The following OPLAH variants were observed in gnomAD, a reference collection of about 807,000 sequenced individuals.
The protein encoded by OPLAH is 5-oxoprolinase.
Under a neutral mutation model 122.8 loss-of-function variants are expected in OPLAH, and 103 were observed. The ratio of observed to expected loss-of-function variants is 0.84; its 90% CI spans 0.71 to 0.99. The LOEUF (loss-of-function observed/expected upper bound fraction) is 0.99, where lower values mean the gene tolerates loss of function less well. Among genes scored for constraint, OPLAH ranks in the 50% least tolerant of loss-of-function variants. The pLI is 0.00. For missense variants in OPLAH, 1,902 were observed against 1,836.5 expected (o/e 1.04, Z -0.65); for synonymous variants, 875 against 796.0 (o/e 1.10, Z -1.67).
Position 144,059,628 on chromosome 8 carries a change from T to C in OPLAH, c.334A>G (p.Thr112Ala), listed in dbSNP as rs1480905479. 4.3e-6 allele frequency: 7 copies of C among 1,611,578 alleles called. No homozygotes were observed. The Admixed American group carries it at 5.0e-5, about 12-fold the overall frequency. Residue 112 changes from threonine (T) to alanine (A), a missense_variant, in exon 3 of 27, where the codon ACC (threonine) becomes GCC (alanine). Thr to Ala is a moderately conservative substitution (Grantham distance 58). Transcript: ENST00000618853. ...TCAAAGAGGTCCCCACGGGCTTGGG[T>C]GCCAATGTGCAGCAGGTCTCGGAAG... ...RGFRDLLHIG[T>A]QARGDLFDLA...
At chr8:144,061,709 A>T (rs955958209), upstream of OPLAH, among the ~76,000 whole-genome samples, 1 of 152,190 alleles carries the variant, frequency 6.6e-6, no homozygotes, top group Non-Finnish European at 1.5e-5. Context: ...CGTTTAGCAT[A>T]TCATCAGAAA....
upstream of OPLAH, among the ~76,000 whole-genome samples, chr8:144,063,177 G>A (rs1399387688): frequency 7.2e-5 from 11 of 151,942 alleles, no homozygotes; most frequent in African/African-American, 9.7e-5. The surrounding 1 kb of genome is among the most constrained non-coding windows in gnomAD (Gnocchi z 4.2). Context: ...GGCCAGACAC[G>A]TCCCAAAACC....
In OPLAH at chr8:144,054,654, CT is replaced by C; in HGVS notation, c.2592del (p.Gly865AlafsTer33). 6.2e-7 allele frequency: 1 copy of C among 1,612,424 alleles called. No homozygotes were observed. The highest frequency in any genetic ancestry group is 8.5e-7 in the Non-Finnish European group (1 of 1,179,690). Reference sequence around the variant, plus strand: ...ATGGTGGAGTGGGGGGGCATGGAGCCTGGTGTGATGCCCCCGATGTCTGCGT... The same window carrying C: ...ATGGTGGAGTGGGGGGGCATGGAGCCGGTGTGATGCCCCCGATGTCTGCGT... Reference protein sequence around the residue: ...GHHADIGGITPGSMPPHSTML... With the variant: ...GHHADIGGITXGSMPPHSTML... On this transcript the variant is annotated frameshift_variant, in exon 19 of 27. Coordinates refer to ENST00000618853, the MANE Select transcript of OPLAH (RefSeq NM_017570.5). LOFTEE classifies it high-confidence loss of function.
rs1835409083 is a variant in OPLAH at position 144,052,545 on chromosome 8, C to G, written c.3207G>C (p.Pro1069=). ...VVIPRGSILD[P]SPEAAVVGGN... ...CGCCCACCACCGCCGCCTCGGGCGACGGGTCCAGGATGGAGCCTCGGGGAA... is the reference window on the plus strand; with the variant it reads ...CGCCCACCACCGCCGCCTCGGGCGAGGGGTCCAGGATGGAGCCTCGGGGAA... The change falls in exon 23 of 27, where the codon CCG becomes CCC. Residue 1069 remains proline (P), a synonymous_variant. Coordinates refer to ENST00000618853, the MANE Select transcript of OPLAH (RefSeq NM_017570.5). The G allele has an allele frequency of 8.1e-6, 13 of 1,595,460 alleles. No homozygotes were observed. The highest frequency in any genetic ancestry group is 1.1e-5 in the Non-Finnish European group (13 of 1,177,008).
intron 26 of OPLAH, 38 bp downstream of exon 26, chr8:144,051,691 G>A (rs371226070): frequency 2.0e-5 from 29 of 1,478,610 alleles, no homozygotes; most frequent in Admixed American, 3.7e-5. Flanking sequence ...CGGGAGGGGA[G>A]GGGAGGGGAG....
At chr8:144,060,261 G>A (rs1293774641) in intron 1 of OPLAH, among the ~76,000 whole-genome samples, 176 bp from the exon 2 acceptor site, 1 of 152,252 alleles carries the variant, frequency 6.6e-6, no homozygotes, top group African/African-American at 2.4e-5. Flanking sequence ...CTGGCCGGCG[G>A]TCAGCGGCCT....
Position 144,057,669 on chromosome 8 carries a change from G to A in OPLAH, c.1201C>T (p.Leu401=), listed in dbSNP as rs1212536343. Residue 401 remains leucine, a synonymous_variant, in exon 10 of 27, where the codon CTG becomes TTG. Coordinates refer to ENST00000618853, the MANE Select transcript of OPLAH (RefSeq NM_017570.5). ...VTDANLVLGR[L]LPASFPCIFG... is the part of the protein sequence containing the mutation. The stretch of plus-strand genomic sequence containing the variant: ...ATGCAGGGGAAGGAGGCAGGCAGCA[G>A]GCGACCCAGGACCAGATTAGCATCC... 1 of 1,607,844 alleles carries A rather than the reference G, an allele frequency of 6.2e-7. No homozygotes were observed. The highest frequency in any genetic ancestry group is 1.3e-5 in the African/African-American group (1 of 74,830).
At position 144,058,127 on chromosome 8, in the gene OPLAH, C is replaced by G; in HGVS notation, c.971G>C (p.Arg324Pro). The change falls in exon 8 of 27, where the codon CGC becomes CCC. Residue 324 changes from arginine (R) to proline (P), a missense_variant. Physicochemically the swap from Arg to Pro is moderately radical, Grantham distance 103. This residue lies in a region of OPLAH where 1,726 missense variants were observed against 1,642.1 expected (regional missense o/e 1.05). Transcript: ENST00000618853. ...DMGGTSTDVS[R>P]YAGEFEHVFE... The stretch of plus-strand genomic sequence containing the variant: ...GACGTGCTCGAATTCCCCAGCATAG[C>G]GGCTCACATCCGTGGACGTGCCTGG... 3 of 1,612,444 alleles carry G rather than the reference C, an allele frequency of 1.9e-6. No individual in the cohort carries two copies. Among genetic ancestry groups the G allele is most frequent in the South Asian group, 1.1e-5 (1 of 91,084 alleles).
At chr8:144,054,385 C>T (rs1460234855) in intron 19 of OPLAH, among the ~76,000 whole-genome samples, 176 bp downstream of exon 19, 1 of 152,190 alleles carries the variant, frequency 6.6e-6, no homozygotes, top group African/African-American at 2.4e-5. Flanking sequence ...CTGAATTCAT[C>T]TCAGCTCCCG....
rs11985564 is a variant in OPLAH at position 144,059,828 on chromosome 8, G to C, written c.171+34C>G. ...TGGTCAGTGTGGGGCTTCTGGCCGT[G>C]GGGTCCCTGTCCACCCGCTCCGCCC... On this transcript the variant is annotated intron_variant, in intron 2 of 26. Transcript: ENST00000618853. The C allele has an allele frequency of 3.0e-4, 476 of 1,611,194 alleles. 1 individual carries two copies. In the African/African-American group the frequency reaches 5.6e-3, roughly 19 times the overall value.
Position 144,057,149 on chromosome 8 carries a change from G to A in OPLAH, c.1536-31C>T, listed in dbSNP as rs782643427. The A allele has an allele frequency of 3.1e-6, 5 of 1,594,674 alleles. No homozygotes were observed. The African/African-American group carries it at 4.0e-5, about 13-fold the overall frequency. ...GGGATGGGCAGCATGGCAATGGGAGGTCACCTCCCAAGCCCGGCGCAGATC... is the reference window on the plus strand; with the variant it reads ...GGGATGGGCAGCATGGCAATGGGAGATCACCTCCCAAGCCCGGCGCAGATC... On this transcript the variant is annotated intron_variant, in intron 11 of 26. Coordinates refer to ENST00000618853, the MANE Select transcript of OPLAH (RefSeq NM_017570.5).
At position 144,058,590 on chromosome 8, in the gene OPLAH, G is replaced by C; in HGVS notation, c.689C>G (p.Pro230Arg). ...SEAMPMVRIV[P>R]RGHTACADAY... ...GTCGGCACAGGCCGTGTGCCCCCGA[G>C]GGACGATGCGCACCATGGGCATGGC... Residue 230 changes from proline (P) to arginine (R), a missense_variant, in exon 6 of 27, where the codon CCT becomes CGT. Physicochemically the swap from Pro to Arg is moderately radical, Grantham distance 103 (BLOSUM62 -2). Around this residue, in one of 3 missense-constraint regions of OPLAH, gnomAD observed 1,726 missense variants for 1,642.1 expected, o/e 1.05. Coordinates refer to ENST00000618853, the MANE Select transcript of OPLAH (RefSeq NM_017570.5). The C allele has an allele frequency of 6.2e-7, 1 of 1,602,924 alleles. No individual in the cohort carries two copies. Among genetic ancestry groups the C allele is most frequent in the Non-Finnish European group, 8.5e-7 (1 of 1,179,390 alleles).
chr8:144,063,920 G>A (rs1835702844), upstream of OPLAH: 1 of 152,468 alleles, frequency 6.6e-6, no homozygotes, highest in Non-Finnish European at 1.5e-5. This position sits in a 1 kb window ranked among gnomAD's most constrained non-coding sequence, Gnocchi z 4.2. Context: ...CCTCATAGCT[G>A]CTGAGGAGGG....
intron 25 of OPLAH, 38 bp from the exon 26 acceptor site, chr8:144,051,864 C>T: frequency 4.6e-6 from 1 of 215,566 alleles, no homozygotes; most frequent in Non-Finnish European, 5.3e-6. Flanking sequence ...AGACCAGGGG[C>T]GGGGGTGGGG....
chr8:144,054,463 C>A (rs1835458685), intron 19 of OPLAH, 98 bp downstream of exon 19: 2 of 1,307,046 alleles, frequency 1.5e-6, no homozygotes, highest in Non-Finnish European at 2.1e-6. Context: ...CAGGCCTGGG[C>A]CTATGGGCTG....
intron 6 of OPLAH, 30 bp downstream of exon 6, chr8:144,058,466 G>A (rs781980541): frequency 6.3e-7 from 1 of 1,577,168 alleles, no homozygotes; most frequent in Non-Finnish European, 8.6e-7. Flanking sequence ...AGGCCCAGGA[G>A]TGGGCAGTGG....
Position 144,052,976 on chromosome 8 carries a change from G to C in OPLAH, c.3018+7C>G. On this transcript the variant is annotated splice_region_variant and intron_variant, in intron 21 of 26. Transcript: ENST00000618853. The stretch of plus-strand genomic sequence containing the variant: ...TGCCGCCTAGAGGCACTCTCCCCAC[G>C]GCCCACCTGACTCAGGCTGATCTGC... 21 of 1,593,446 alleles carry C rather than the reference G, an allele frequency of 1.3e-5. No individual in the cohort carries two copies. Among genetic ancestry groups the C allele is most frequent in the Non-Finnish European group, 1.6e-5 (19 of 1,170,100 alleles).
At chr8:144,051,603 G>A (rs1027069632) in intron 26 of OPLAH, 126 bp downstream of exon 26, 1 of 1,150,754 alleles carries the variant, frequency 8.7e-7, no homozygotes, top group Non-Finnish European at 1.2e-6. Flanking sequence ...CCCGGTACGC[G>A]CCCCCTTTCC....
chr8:144,058,324 C>G lies in OPLAH; in HGVS notation c.864G>C (p.Ser288=), dbSNP rs1554759938. 6 of 1,601,364 alleles carry G rather than the reference C, an allele frequency of 3.7e-6. No homozygotes were observed. The highest frequency in any genetic ancestry group is 1.3e-5 in the African/African-American group (1 of 74,818). ...DTFSGSSAVL[S]GPAGGVVGYS... ...AGCCCACCACGCCGCCGGCCGGGCC[C>G]GAGAGCACAGCACTGGAGCCGCTGA... Residue 288 remains serine (S), a synonymous_variant, in exon 7 of 27, where the codon TCG becomes TCC. Coordinates refer to ENST00000618853, the MANE Select transcript of OPLAH (RefSeq NM_017570.5).
Sources: gnomAD v4.1 joint callset for allele counts (sites outside exome capture counted in the v4.1 genomes callset) on GRCh38, gnomAD v4.1.1 for gene constraint, gnomAD v4.1.1 regional missense constraint, Gnocchi (gnomAD v3.1) non-coding constraint, MANE v1.5 for transcripts, NCBI Gene and HGNC (gene_info 2026-07-23, HGNC 2026-07-21) for gene names.